KYNU: variants seen among roughly 807,000 people sequenced by gnomAD.
The protein encoded by KYNU is kynureninase, also known as L-kynurenine hydrolase.
In KYNU, 54 loss-of-function variants were observed where a neutral mutation model predicts 59.2. The ratio of observed to expected loss-of-function variants is 0.91; its 90% CI spans 0.73 to 1.14. The LOEUF (loss-of-function observed/expected upper bound fraction) is 1.14, where lower values mean the gene tolerates loss of function less well. KYNU is among the 50% of genes most tolerant of loss of function. The pLI is 0.00. For synonymous variants in KYNU, 177 were observed against 192.0 expected, an observed-to-expected ratio of 0.92 and a Z score of 0.65; for missense variants, 567 against 554.4, an observed-to-expected ratio of 1.02 and a Z score of -0.23.
chr2:142,908,730 G>A (rs1357604758), intron 2 of KYNU, among the ~76,000 whole-genome samples: 1 of 152,050 alleles, frequency 6.6e-6, no homozygotes, highest in Non-Finnish European at 1.5e-5. Context: ...TGCCTCCTAG[G>A]TTCACACCAT....
chr2:142,909,937 A>G (rs148323838), intron 2 of KYNU, among the ~76,000 whole-genome samples: 153 of 152,092 alleles, frequency 1.0e-3, no homozygotes, highest in Non-Finnish European at 2.0e-3. Context: ...TAAGTGTTTT[A>G]TTTCTTTGCA....
rs1344164112 is a variant in KYNU at position 142,957,704 on chromosome 2, A to C, written c.571A>C (p.Lys191Gln). 8.2e-6 allele frequency: 13 copies of C among 1,594,404 alleles called. No individual in the cohort carries two copies. Among genetic ancestry groups the C allele is most frequent in the Non-Finnish European group, 1.1e-5 (13 of 1,162,526 alleles). Residue 191 changes from lysine to glutamine, a missense_variant, in exon 7 of 14, where the codon AAG becomes CAG. By Grantham distance (53) the Lys-to-Gln change is moderately conservative. Transcript: ENST00000264170. ...CATTGAAGAAAGTATGCGGATGATA[A>C]AGCCAAGAGAGGTATATGAGAAAGA... ...LNIEESMRMI[K>Q]PREGEETLRI...
At chr2:142,947,680 A>C in intron 4 of KYNU, 1 of 156,444 alleles carries the variant, frequency 6.4e-6, no homozygotes, top group Non-Finnish European at 1.4e-5. Flanking sequence ...AGAAGCAATT[A>C]CTCCTTCCCC....
chr2:142,912,164 GA>G (rs1220609569), intron 2 of KYNU, among the ~76,000 whole-genome samples: 1 of 152,064 alleles, frequency 6.6e-6, no homozygotes, highest in Non-Finnish European at 1.5e-5. Flanking sequence ...ATTTGGCTAT[GA>G]ATTCATCTGG....
At chr2:142,951,406 T>A (rs1431153109) in intron 4 of KYNU, among the ~76,000 whole-genome samples, 1 of 152,012 alleles carries the variant, frequency 6.6e-6, no homozygotes, top group African/African-American at 2.4e-5. Flanking sequence ...ATACAAAAAA[T>A]TAGCTGGATG....
chr2:142,909,343 A>G (rs1006486500), intron 2 of KYNU, among the ~76,000 whole-genome samples: 2 of 149,876 alleles, frequency 1.3e-5, no homozygotes, highest in African/African-American at 4.9e-5. Flanking sequence ...TGCTGTTTGT[A>G]TTTTTTTTTT....
intron 8 of KYNU, among the ~76,000 whole-genome samples, chr2:142,961,713 TGTAA>T (rs1446617212): frequency 1.3e-5 from 2 of 151,816 alleles, no homozygotes; most frequent in African/African-American, 2.4e-5. Context: ...TCTCTTTGTA[TGTAA>T]GTGTTTGTAA....
In KYNU at chr2:143,049,875, G is replaced by A. The variant is rs1573929578; in HGVS notation, c.*7703G>A. 6.6e-6 allele frequency: 1 copy of A among 151,932 alleles called. No individual in the cohort carries two copies. Among genetic ancestry groups the A allele is most frequent in the East Asian group, 1.9e-4 (1 of 5,160 alleles). 9.4% of individuals were successfully genotyped at this position (151,932 alleles called of 1,614,324 possible). On this transcript the variant is annotated 3_prime_UTR_variant, in exon 14 of 14. Transcript: ENST00000264170. ...TTTACCTTGACCTTTTGAATTCTTT[G>A]AAAACTGAGTTAAGTCTGATTTTCC...
chr2:142,898,989 G>C (rs1448100915), intron 2 of KYNU, among the ~76,000 whole-genome samples: 2 of 152,208 alleles, frequency 1.3e-5, no homozygotes, highest in African/African-American at 4.8e-5. Context: ...GAGCACAGCA[G>C]ACACTCTGCT....
intron 2 of KYNU, among the ~76,000 whole-genome samples, chr2:142,914,705 G>T (rs1254158761): frequency 1.3e-5 from 2 of 152,064 alleles, no homozygotes; most frequent in African/African-American, 2.4e-5. Context: ...AGTTCTCTTT[G>T]ATGTTATTAT....
In KYNU at chr2:143,019,441, A is replaced by G. The variant is rs1686347151; in HGVS notation, c.903-10186A>G. ...GTTCATGTGATTATGACATTTACTG[A>G]TTTGTGTATGTTGATGGCTCAAGCA... is the stretch of plus-strand genomic sequence containing the variant. On this transcript the variant is annotated intron_variant, in intron 10 of 13. Coordinates refer to ENST00000264170, the MANE Select transcript of KYNU (RefSeq NM_003937.3). Among the ~76,000 whole-genome samples the G allele has an allele frequency of 2.0e-5, 3 of 152,012 alleles. No individual in the cohort carries two copies. In the South Asian group the frequency reaches 6.2e-4, roughly 31 times the overall value.
intron 10 of KYNU, chr2:142,989,353 G>A: frequency 4.0e-6 from 4 of 1,000,824 alleles, no homozygotes; most frequent in Non-Finnish European, 4.8e-6. Context: ...GCTTTAGAGA[G>A]ACCAAAGAGT....
In KYNU at chr2:143,032,044, A is replaced by G. The variant is rs561148344; in HGVS notation, c.956-1192A>G. 8.2e-4 allele frequency among the ~76,000 whole-genome samples: 125 copies of G among 152,128 alleles called. 2 individuals are homozygous for G. The highest frequency in any genetic ancestry group is 8.1e-3 in the South Asian group (39 of 4,824). On this transcript the variant is annotated intron_variant, in intron 11 of 13. Coordinates refer to ENST00000264170, the MANE Select transcript of KYNU (RefSeq NM_003937.3). ...TGTAATCCCAGCACTTTGGGAGGCC[A>G]AGGCGGGCGGATCACGAGGTCAGGA...
At chr2:142,954,587 C>T (rs1215656141) in intron 4 of KYNU, among the ~76,000 whole-genome samples, 1 of 151,976 alleles carries the variant, frequency 6.6e-6, no homozygotes, top group Admixed American at 6.6e-5. Flanking sequence ...TTTACTACAT[C>T]ATAAAAGAAA....
intron 12 of KYNU, among the ~76,000 whole-genome samples, chr2:143,037,538 GAC>G (rs1437035419): frequency 1.3e-5 from 2 of 152,050 alleles, no homozygotes; most frequent in African/African-American, 4.8e-5. Flanking sequence ...TTCCTAGAGA[GAC>G]AGTTTTAAGA....
rs544014701 is a variant in KYNU, at chr2:142,995,787, C to T, written c.902+9766C>T. Among the ~76,000 whole-genome samples the T allele has an allele frequency of 5.3e-5, 8 of 152,186 alleles. No individual in the cohort carries two copies. The East Asian group carries it at 7.8e-4, about 15-fold the overall frequency. On this transcript the variant is annotated intron_variant, in intron 10 of 13. Transcript: ENST00000264170. Reference sequence around the variant, plus strand: ...TCACTTAGCCATACTTTTGTTTTTCCTACCGCTATGCTGATTACCAACTGC... The same window carrying T: ...TCACTTAGCCATACTTTTGTTTTTCTTACCGCTATGCTGATTACCAACTGC...
chr2:142,921,152 A>G (rs1682869104), intron 3 of KYNU, among the ~76,000 whole-genome samples: 3 of 152,186 alleles, frequency 2.0e-5, no homozygotes, highest in South Asian at 4.1e-4. Context: ...GGGTTTATAT[A>G]CCAGCTTGAC....
intron 4 of KYNU, among the ~76,000 whole-genome samples, chr2:142,936,997 G>T (rs765717496): frequency 2.0e-5 from 3 of 152,184 alleles, no homozygotes; most frequent in Non-Finnish European, 4.4e-5. Flanking sequence ...GTGGGCTGAG[G>T]CTGAAAATGG....
chr2:142,985,254 G>A, intron 9 of KYNU, 72 bp downstream of exon 9: 2 of 919,202 alleles, frequency 2.2e-6, no homozygotes, highest in Middle Eastern at 2.1e-4. Context: ...AACTGGGTCT[G>A]TGGGCCAATT....
Sources: allele counts gnomAD v4.1 joint callset (sites outside exome capture counted in the v4.1 genomes callset), GRCh38; gene constraint gnomAD v4.1.1; transcripts MANE v1.5; gene names NCBI Gene and HGNC (gene_info 2026-07-23, HGNC 2026-07-21).